The following PTPRU variants were observed in gnomAD, a reference collection of about 807,000 sequenced individuals.
PTPRU encodes the protein protein tyrosine phosphatase receptor type U.
Under a neutral mutation model 166.3 loss-of-function variants are expected in PTPRU, and 69 were observed. That is an observed-to-expected ratio of 0.41 (90% CI 0.34 to 0.51). The LOEUF (loss-of-function observed/expected upper bound fraction) is 0.51. PTPRU is among the 20% of genes least tolerant of loss of function. The pLI is 0.09. For missense variants in PTPRU, 1,657 were observed against 2,013.7 expected (o/e 0.82, Z 3.39); for synonymous variants, 793 against 814.0 (o/e 0.97, Z 0.44).
At chr1:29,249,536 T>C (rs918582571) in intron 1 of PTPRU, among the ~76,000 whole-genome samples, 3 of 152,220 alleles carry the variant, frequency 2.0e-5, no homozygotes, top group African/African-American at 7.2e-5. Context: ...GTTCCCAGTC[T>C]GAGGCTGCAT....
At chr1:29,308,048 C>T (rs1167342579) in intron 18 of PTPRU, among the ~76,000 whole-genome samples, 1 of 152,120 alleles carries the variant, frequency 6.6e-6, no homozygotes, top group East Asian at 1.9e-4. Context: ...TGAGCCACCA[C>T]ACCTGGCCCA....
intron 7 of PTPRU, among the ~76,000 whole-genome samples, chr1:29,269,549 C>T (rs1685471389): frequency 6.6e-6 from 1 of 152,086 alleles, no homozygotes; most frequent in South Asian, 2.1e-4. Context: ...CAAACACCTC[C>T]CCCTGCCCTT....
chr1:29,305,150 C>T (rs1209610693), intron 17 of PTPRU, among the ~76,000 whole-genome samples: 1 of 152,160 alleles, frequency 6.6e-6, no homozygotes, highest in Non-Finnish European at 1.5e-5. Flanking sequence ...ACTCTTAGGC[C>T]TCCTTGACTC....
intron 7 of PTPRU, among the ~76,000 whole-genome samples, chr1:29,274,084 G>T (rs1405945626): frequency 2.6e-5 from 4 of 152,214 alleles, no homozygotes; most frequent in African/African-American, 7.2e-5. Flanking sequence ...AGGCTAGAGT[G>T]CAGTGGCACA....
rs1213987537 is a variant in PTPRU at position 29,303,933 on chromosome 1, G to A, written c.2555G>A (p.Gly852Asp). The A allele has an allele frequency of 6.2e-7, 1 of 1,613,902 alleles. No individual in the cohort carries two copies. The highest frequency in any genetic ancestry group is 8.5e-7 in the Non-Finnish European group (1 of 1,179,876). Residue 852 changes from glycine to aspartate, a missense_variant, in exon 16 of 30, where the codon GGC becomes GAC. Transcript: ENST00000373779. ...GSPRRPCGRK[G>D]SPYHTGQLHP... Reference sequence around the variant, plus strand: ...CCGAGGCGTCCCTGTGGCCGGAAGGGCTCCCCATACCACACGGGGCAGCTG... The same window carrying A: ...CCGAGGCGTCCCTGTGGCCGGAAGGACTCCCCATACCACACGGGGCAGCTG...
In PTPRU at chr1:29,326,172, T is replaced by G. The variant is rs986273342; in HGVS notation, c.*511T>G. The G allele has an allele frequency of 9.6e-6, 3 of 311,802 alleles. No individual in the cohort carries two copies. The highest frequency in any genetic ancestry group is 1.0e-4 in the Admixed American group (2 of 19,992). The allele number at this position is 311,802 out of a possible 1,614,324, so 19.3% of individuals were successfully genotyped here. A position where few individuals can be genotyped will look rare whatever the true frequency, so the allele number is the denominator to read the frequency against. On this transcript the variant is annotated 3_prime_UTR_variant, in exon 30 of 30. Coordinates refer to ENST00000373779, the MANE Select transcript of PTPRU (RefSeq NM_133178.4). Reference sequence around the variant, plus strand: ...GTCCTGGGGAAGCAGGTCTCAATTCTGAATAGCCAGTGGGGCACACTGACT... The same window carrying G: ...GTCCTGGGGAAGCAGGTCTCAATTCGGAATAGCCAGTGGGGCACACTGACT...
At position 29,317,615 on chromosome 1, in the gene PTPRU, C is replaced by G; in HGVS notation, c.3514-133C>G. The G allele has an allele frequency of 9.5e-7, 1 of 1,057,838 alleles. No homozygotes were observed. The highest frequency in any genetic ancestry group is 1.4e-6 in the Non-Finnish European group (1 of 740,644). 65.5% of individuals were successfully genotyped at this position (1,057,838 alleles called of 1,614,324 possible). A position where few individuals can be genotyped will look rare whatever the true frequency, so the allele number is the denominator to read the frequency against. ...GGGAGTCTGGCTCCGTGCCCTGTAC[C>G]CTTCTCTCTGGACCTCAGTTTCTCC... On this transcript the variant is annotated intron_variant, in intron 24 of 29. Transcript: ENST00000373779. The surrounding 1 kb of genome is among the most constrained non-coding windows in gnomAD (Gnocchi z 5.6).
chr1:29,259,788 G>T (rs916989158), intron 5 of PTPRU, 82 bp from the exon 6 acceptor site: 1 of 1,420,740 alleles, frequency 7.0e-7, no homozygotes, highest in African/African-American at 1.4e-5. Flanking sequence ...TAGTAGGGAC[G>T]GCTAAATGGG....
chr1:29,266,529 C>T (rs1424556924), intron 7 of PTPRU, among the ~76,000 whole-genome samples: 1 of 152,098 alleles, frequency 6.6e-6, no homozygotes, highest in Non-Finnish European at 1.5e-5. Context: ...TTGGGAGACC[C>T]TTGAGTGGTG....
intron 15 of PTPRU, among the ~76,000 whole-genome samples, chr1:29,294,956 T>G (rs185649938): frequency 2.1e-4 from 31 of 148,882 alleles, no homozygotes; most frequent in Admixed American, 2.1e-3. Flanking sequence ...ATCGAGGCTA[T>G]TTAAGTCTTG....
chr1:29,264,842 G>C (rs930008071), intron 7 of PTPRU, among the ~76,000 whole-genome samples: 5 of 152,070 alleles, frequency 3.3e-5, no homozygotes, highest in African/African-American at 1.2e-4. Context: ...TTGTTGAAAA[G>C]TCTATTCTTA....
At position 29,317,893 on chromosome 1, in the gene PTPRU, A is replaced by G; in HGVS notation, c.3659A>G (p.Asn1220Ser). 1 of 1,613,996 alleles carries G rather than the reference A, an allele frequency of 6.2e-7. No individual in the cohort carries two copies. Among genetic ancestry groups the G allele is most frequent in the Non-Finnish European group, 8.5e-7 (1 of 1,180,006 alleles). Residue 1220 changes from asparagine to serine, a missense_variant, in exon 25 of 30, where the codon AAC becomes AGC. Around this residue, in one of 3 missense-constraint regions of PTPRU, gnomAD observed 1,190 missense variants for 1,477.4 expected, o/e 0.81. Transcript: ENST00000373779. The surrounding 1 kb of genome is among the most constrained non-coding windows in gnomAD (Gnocchi z 5.6). ...CTCATCTCCACTGATGGGGACTCCA[A>G]CAACTACATTAATGCAGCCCTGACT... Reference protein sequence around the residue: ...PFLISTDGDSNNYINAALTDS... With the variant: ...PFLISTDGDSSNYINAALTDS...
At chr1:29,265,652 G>A (rs925191207) in intron 7 of PTPRU, among the ~76,000 whole-genome samples, 6 of 151,976 alleles carry the variant, frequency 3.9e-5, no homozygotes, top group South Asian at 4.1e-4. Flanking sequence ...CATGAGCCAC[G>A]GCACCTGGAC....
At position 29,259,771 on chromosome 1, in the gene PTPRU, C is replaced by T; in HGVS notation, c.676-99C>T. The T allele has an allele frequency of 1.1e-5, 15 of 1,364,018 alleles. No homozygotes were observed. In the South Asian group the frequency reaches 1.9e-4, roughly 17 times the overall value. The allele number at this position is 1,364,018 out of a possible 1,614,324, so 84.5% of individuals were successfully genotyped here. The stretch of plus-strand genomic sequence containing the variant: ...GCGCGGCTCCAGGAACCTATGTCCG[C>T]GCGGTGTAGTAGGGACGGCTAAATG... On this transcript the variant is annotated intron_variant, in intron 5 of 29. Coordinates refer to ENST00000373779, the MANE Select transcript of PTPRU (RefSeq NM_133178.4).
In PTPRU at chr1:29,306,037, G is replaced by A. The variant is rs532555593; in HGVS notation, c.2820+609G>A. Reference sequence around the variant, plus strand: ...GGTGAGGAAACCGGGGCTCAGAGACGTGGAGCGACTTGTCCCAGGTTGCAC... The same window carrying A: ...GGTGAGGAAACCGGGGCTCAGAGACATGGAGCGACTTGTCCCAGGTTGCAC... On this transcript the variant is annotated intron_variant, in intron 18 of 29. Transcript: ENST00000373779. Among the ~76,000 whole-genome samples, 114 of 152,356 alleles carry A rather than the reference G, an allele frequency of 7.5e-4. 1 individual carries two copies. Among genetic ancestry groups the A allele is most frequent in the Non-Finnish European group, 1.6e-3 (107 of 68,044 alleles).
At chr1:29,308,596 A>G in intron 18 of PTPRU, among the ~76,000 whole-genome samples, 1 of 147,424 alleles carries the variant, frequency 6.8e-6, no homozygotes, top group African/African-American at 2.5e-5. Flanking sequence ...AGAGAGAGAG[A>G]GATGGGGTCT....
chr1:29,241,180 A>C (rs995985319), intron 1 of PTPRU, among the ~76,000 whole-genome samples: 1 of 152,074 alleles, frequency 6.6e-6, no homozygotes, highest in African/African-American at 2.4e-5. Flanking sequence ...CCTGGTGCTA[A>C]GGGTGTCTGG....
chr1:29,255,759 C>A (rs1684750674), intron 2 of PTPRU, among the ~76,000 whole-genome samples: 2 of 152,190 alleles, frequency 1.3e-5, no homozygotes, highest in African/African-American at 4.8e-5. Flanking sequence ...TCCCAAAGAG[C>A]CCCTGAATCC....
Position 29,315,341 on chromosome 1 carries a change from C to T in PTPRU, c.3228-31C>T. Reference sequence around the variant, plus strand: ...AGTCCCGGGCTTCCTCCCCAAAGCTCTGACCTGGTCTGGGGCTGCTCTCTC... The same window carrying T: ...AGTCCCGGGCTTCCTCCCCAAAGCTTTGACCTGGTCTGGGGCTGCTCTCTC... On this transcript the variant is annotated intron_variant, in intron 22 of 29. Coordinates refer to ENST00000373779, the MANE Select transcript of PTPRU (RefSeq NM_133178.4). The surrounding 1 kb of genome is among the most constrained non-coding windows in gnomAD (Gnocchi z 4.5). The T allele has an allele frequency of 6.2e-7, 1 of 1,613,674 alleles. No homozygotes were observed. Among genetic ancestry groups the T allele is most frequent in the Non-Finnish European group, 8.5e-7 (1 of 1,180,006 alleles).
Sources: allele counts gnomAD v4.1 joint callset (sites outside exome capture counted in the v4.1 genomes callset), GRCh38; gene constraint gnomAD v4.1.1; regional missense constraint gnomAD v4.1.1; non-coding constraint Gnocchi (gnomAD v3.1); transcripts MANE v1.5; gene names NCBI Gene and HGNC (gene_info 2026-07-23, HGNC 2026-07-21).